Variants in SYNE2 observed in about 807,000 individuals in gnomAD.
SYNE2 encodes spectrin repeat containing nuclear envelope protein 2.
SYNE2 carries 431 observed loss-of-function variants against 856.3 expected under a neutral mutation model. That is an observed-to-expected ratio of 0.50 (90% CI 0.47 to 0.55). The LOEUF (loss-of-function observed/expected upper bound fraction) is 0.55, where lower values mean the gene tolerates loss of function less well. SYNE2 is among the 20% of genes least tolerant of loss of function. The probability of loss-of-function intolerance (pLI) is 0.00; values close to 1 mark genes in which losing one functional copy is unlikely to be tolerated. For missense variants in SYNE2, 8,129 were observed against 8,023.2 expected, an observed-to-expected ratio of 1.01 and a Z score of -0.50; for synonymous variants, 2,923 against 2,872.3, an observed-to-expected ratio of 1.02 and a Z score of -0.56.
intron 64 of SYNE2, among the ~76,000 whole-genome samples, chr14:64,106,057 A>C (rs1452400357): frequency 6.6e-6 from 1 of 151,844 alleles, no homozygotes; most frequent in Non-Finnish European, 1.5e-5. Context: ...CTCAAAAAAA[A>C]AAAAAAGAAA....
At chr14:64,058,919 C>T (rs762695533) in intron 49 of SYNE2, among the ~76,000 whole-genome samples, 99 of 151,814 alleles carry the variant, frequency 6.5e-4, no homozygotes, top group Non-Finnish European at 1.2e-3. Flanking sequence ...GTAATTCTTT[C>T]TTCTGCTTGA....
At chr14:63,815,043 C>CAT (rs1174676727) in intron 1 of SYNE2, among the ~76,000 whole-genome samples, 1 of 62,688 alleles carries the variant, frequency 1.6e-5, no homozygotes, top group Non-Finnish European at 3.7e-5. Context: ...TATACATCCA[C>CAT]ATATATATAT....
intron 48 of SYNE2, among the ~76,000 whole-genome samples, chr14:64,054,528 C>T (rs1341153025): frequency 1.3e-5 from 2 of 152,178 alleles, no homozygotes; most frequent in Non-Finnish European, 2.9e-5. Context: ...GCATCACATG[C>T]TCATGGTCCA....
In SYNE2 at chr14:63,976,600, C is replaced by A; in HGVS notation, c.1166C>A (p.Pro389His). The change falls in exon 12 of 116, where the codon CCC (proline) becomes CAC (histidine). Residue 389 changes from proline to histidine, a missense_variant. Pro to His is a moderately conservative substitution (Grantham distance 77). This residue lies in a region of SYNE2 where 2,422 missense variants were observed against 2,357.4 expected (regional missense o/e 1.03). Transcript: ENST00000555002. ...AAAATAAAGCTAAATTATGCCTTGCCCCCACCCCTCCATCAAACTGAAGCT... is the reference window on the plus strand; with the variant it reads ...AAAATAAAGCTAAATTATGCCTTGCACCCACCCCTCCATCAAACTGAAGCT... Reference protein sequence around the residue: ...AWKIKLNYALPPPLHQTEAWL... With the variant: ...AWKIKLNYALHPPLHQTEAWL... 6.2e-7 allele frequency: 1 copy of A among 1,610,254 alleles called. No individual in the cohort carries two copies. Among genetic ancestry groups the A allele is most frequent in the Non-Finnish European group, 8.5e-7 (1 of 1,179,314 alleles).
intron 66 of SYNE2, among the ~76,000 whole-genome samples, chr14:64,114,136 A>G (rs1229976302): frequency 6.6e-6 from 1 of 152,148 alleles, no homozygotes; most frequent in Non-Finnish European, 1.5e-5. Flanking sequence ...CTTTGCAACC[A>G]TTTTACTAGG....
intron 85 of SYNE2, among the ~76,000 whole-genome samples, chr14:64,154,196 A>G (rs1207559012): frequency 6.6e-6 from 1 of 151,274 alleles, no homozygotes; most frequent in Admixed American, 6.6e-5. Flanking sequence ...CACAAGTATT[A>G]GAGCTAAAAG....
intron 26 of SYNE2, 52 bp downstream of exon 26, chr14:63,998,380 T>C: frequency 4.1e-6 from 5 of 1,214,150 alleles, no homozygotes; most frequent in South Asian, 1.2e-5. Context: ...CTTTCATCGA[T>C]GCAAACATGT....
chr14:63,985,848 A>G (rs1053622692), intron 18 of SYNE2, among the ~76,000 whole-genome samples: 3 of 152,100 alleles, frequency 2.0e-5, no homozygotes, highest in Non-Finnish European at 4.4e-5. Context: ...ATCTCTACAA[A>G]ATATAAAAAC....
Position 64,049,789 on chromosome 14 carries a change from A to G in SYNE2, c.7556A>G (p.Tyr2519Cys). The change falls in exon 47 of 116, where the codon TAT becomes TGT. Residue 2519 changes from tyrosine to cysteine, a missense_variant. Tyr to Cys is a radical substitution (Grantham distance 194). Transcript: ENST00000555002. ...ITLKKNKESQ[Y>C]CVLRDFQEYL... Reference sequence around the variant, plus strand: ...TTGAAGAAAAACAAAGAAAGCCAATATTGTGTCCTCAGAGATTTTCAGGAA... The same window carrying G: ...TTGAAGAAAAACAAAGAAAGCCAATGTTGTGTCCTCAGAGATTTTCAGGAA... 1 of 1,614,142 alleles carries G rather than the reference A, an allele frequency of 6.2e-7. No homozygotes were observed. The highest frequency in any genetic ancestry group is 8.5e-7 in the Non-Finnish European group (1 of 1,180,010).
intron 1 of SYNE2, among the ~76,000 whole-genome samples, chr14:63,864,920 A>C (rs1230317263): frequency 6.6e-6 from 1 of 152,036 alleles, no homozygotes; most frequent in Non-Finnish European, 1.5e-5. Flanking sequence ...GGAACAAGTG[A>C]ATTTTAGAAA....
In SYNE2 at chr14:64,000,676, C is replaced by A. The variant is rs753157647; in HGVS notation, c.3595C>A (p.Leu1199Ile). Residue 1199 changes from leucine to isoleucine, a missense_variant, in exon 28 of 116, where the codon CTA (leucine) becomes ATA (isoleucine). Coordinates refer to ENST00000555002, the MANE Select transcript of SYNE2 (RefSeq NM_182914.3). ...KPFVIKERDT[L>I]KERERELQMT... ...TTTTGTAATTAAGGAAAGAGACACA[C>A]TAAAGGAAAGAGAAAGAGAGCTTCA... The A allele has an allele frequency of 2.2e-5, 35 of 1,613,142 alleles. No homozygotes were observed. The highest frequency in any genetic ancestry group is 3.0e-5 in the Non-Finnish European group (35 of 1,179,642).
At chr14:63,832,516 TA>T (rs1271806297) in intron 1 of SYNE2, among the ~76,000 whole-genome samples, 2 of 152,038 alleles carry the variant, frequency 1.3e-5, no homozygotes, top group African/African-American at 4.8e-5. Flanking sequence ...TTGAAAATCA[TA>T]ATAATTCACC....
intron 1 of SYNE2, among the ~76,000 whole-genome samples, chr14:63,830,238 ATGGG>A (rs201829392): frequency 0.1 from 15,708 of 151,300 alleles, 894 homozygotes; most frequent in African/African-American, 0.15. Context: ...GGTAGTGGTG[ATGGG>A]GTGAAGGCTA....
At chr14:64,200,295 A>T (rs2098556383) in intron 99 of SYNE2, among the ~76,000 whole-genome samples, 1 of 152,184 alleles carries the variant, frequency 6.6e-6, no homozygotes, top group Admixed American at 6.5e-5. Flanking sequence ...GGGAAGAGGG[A>T]GAAGTGGGGA....
At chr14:64,165,468 T>A in intron 90 of SYNE2, 58 bp downstream of exon 90, 1 of 1,569,452 alleles carries the variant, frequency 6.4e-7, no homozygotes, top group South Asian at 1.1e-5. Context: ...TTAAAAAAAA[T>A]AAGCTGATTA....
At chr14:63,844,019 C>G (rs1890152022) in intron 1 of SYNE2, among the ~76,000 whole-genome samples, 1 of 152,158 alleles carries the variant, frequency 6.6e-6, no homozygotes, top group Non-Finnish European at 1.5e-5. Flanking sequence ...CATGAAACTA[C>G]ATTGACACAT....
At chr14:63,852,835 G>C (rs1436478041), upstream of SYNE2, 1 of 152,148 alleles carries the variant, frequency 6.6e-6, no homozygotes, top group Non-Finnish European at 1.5e-5. Flanking sequence ...CGGGGAGAAA[G>C]TTGCCCGCCC....
chr14:64,151,149 T>C (rs943988250), intron 84 of SYNE2, among the ~76,000 whole-genome samples: 1 of 152,080 alleles, frequency 6.6e-6, no homozygotes, highest in African/African-American at 2.4e-5. Flanking sequence ...TGGAACAGAT[T>C]TTTTTCCCTT....
chr14:64,122,229 G>A, intron 69 of SYNE2, 57 bp from the exon 70 acceptor site: 1 of 1,614,014 alleles, frequency 6.2e-7, no homozygotes, highest in Non-Finnish European at 8.5e-7. Context: ...AACTGTGAAT[G>A]TAATACAAAA....
Sources: gnomAD v4.1 joint callset for allele counts (sites outside exome capture counted in the v4.1 genomes callset) on GRCh38, gnomAD v4.1.1 for gene constraint, gnomAD v4.1.1 regional missense constraint, MANE v1.5 for transcripts, NCBI Gene and HGNC (gene_info 2026-07-23, HGNC 2026-07-21) for gene names.